ADGRA3: variants seen among roughly 807,000 people sequenced by gnomAD.
ADGRA3 encodes the protein G-protein coupled receptor 125.
Under a neutral mutation model 119.8 loss-of-function variants are expected in ADGRA3, and 56 were observed. The ratio of observed to expected loss-of-function variants is 0.47; its 90% CI spans 0.38 to 0.58. The LOEUF is 0.58. ADGRA3 is among the 20% of genes least tolerant of loss of function. The probability of loss-of-function intolerance (pLI) is 0.00; values close to 1 mark genes in which losing one functional copy is unlikely to be tolerated. For synonymous variants in ADGRA3, 607 were observed against 623.8 expected, an observed-to-expected ratio of 0.97 and a Z score of 0.40; for missense variants, 1,516 against 1,649.0, an observed-to-expected ratio of 0.92 and a Z score of 1.40.
intron 1 of ADGRA3, among the ~76,000 whole-genome samples, chr4:22,498,195 C>T (rs775172703): frequency 1.3e-5 from 2 of 151,394 alleles, no homozygotes; most frequent in South Asian, 2.1e-4. Flanking sequence ...CACAGTGAGC[C>T]GAGATCATGC....
At chr4:22,480,740 T>C (rs906423674) in intron 1 of ADGRA3, among the ~76,000 whole-genome samples, 1 of 152,174 alleles carries the variant, frequency 6.6e-6, no homozygotes, top group Non-Finnish European at 1.5e-5. Context: ...TATACTTACG[T>C]TGGTTCCAAT....
intron 14 of ADGRA3, 99 bp downstream of exon 14, chr4:22,413,083 A>C (rs547643846): frequency 3.4e-6 from 3 of 888,496 alleles, no homozygotes; most frequent in East Asian, 4.9e-5. Context: ...AGTAAAAAAA[A>C]AAAAAAAACA....
At chr4:22,427,708 C>CATGAAA (rs1284745254) in intron 10 of ADGRA3, among the ~76,000 whole-genome samples, 1 of 152,112 alleles carries the variant, frequency 6.6e-6, no homozygotes, top group African/African-American at 2.4e-5. Flanking sequence ...GGTAACAATG[C>CATGAAA]ATGAAAAATT....
intron 14 of ADGRA3, among the ~76,000 whole-genome samples, chr4:22,403,723 CAT>C (rs1481002506): frequency 6.6e-6 from 1 of 152,132 alleles, no homozygotes; most frequent in East Asian, 1.9e-4. Flanking sequence ...GCCTGGGCCA[CAT>C]AGTGAGAACC....
At chr4:22,470,978 T>G (rs1347067030) in intron 2 of ADGRA3, among the ~76,000 whole-genome samples, 2 of 152,062 alleles carry the variant, frequency 1.3e-5, no homozygotes, top group African/African-American at 2.4e-5. Context: ...TGGTTGAGGG[T>G]TGCTGAAAGC....
At chr4:22,476,562 A>T (rs1439606760) in intron 1 of ADGRA3, among the ~76,000 whole-genome samples, 1 of 152,046 alleles carries the variant, frequency 6.6e-6, no homozygotes, top group African/African-American at 2.4e-5. Context: ...TATATTTCTG[A>T]CTCTGTATAG....
rs1165502271 is a variant in ADGRA3, at chr4:22,402,681, T to C, written c.2351A>G (p.His784Arg). Reference sequence around the variant, plus strand: ...GTCGAGATGTATTTCTTACCTGTGATGGTATATGTAACTGACAATGACGGC... The same window carrying C: ...GTCGAGATGTATTTCTTACCTGTGACGGTATATGTAACTGACAATGACGGC... ...LLAVIVSYIYHHSLIRISLKS... is the reference protein window; with the variant it reads ...LLAVIVSYIYRHSLIRISLKS... The change falls in exon 15 of 19, where the codon CAT (histidine) becomes CGT (arginine). Residue 784 changes from histidine to arginine, a missense_variant. Coordinates refer to ENST00000334304, the MANE Select transcript of ADGRA3 (RefSeq NM_145290.4). 1.7e-5 allele frequency: 27 copies of C among 1,612,692 alleles called. No individual in the cohort carries two copies. The highest frequency in any genetic ancestry group is 2.2e-5 in the Non-Finnish European group (26 of 1,179,514).
intron 2 of ADGRA3, among the ~76,000 whole-genome samples, chr4:22,462,128 T>A (rs1346331965): frequency 6.6e-6 from 1 of 152,342 alleles, no homozygotes; most frequent in South Asian, 2.1e-4. Context: ...CTATAATTTC[T>A]TCTTTAGTAT....
chr4:22,504,120 T>C (rs542351161), intron 1 of ADGRA3, among the ~76,000 whole-genome samples: 83 of 152,208 alleles, frequency 5.5e-4, no homozygotes, highest in Admixed American at 5.1e-3. Flanking sequence ...TCTGTGTGTG[T>C]GATACCCAAT....
chr4:22,434,056 G>A (rs10006549), intron 10 of ADGRA3, among the ~76,000 whole-genome samples: 1 of 151,392 alleles, frequency 6.6e-6, no homozygotes, highest in Non-Finnish European at 1.5e-5. Context: ...ATCAAGTAAA[G>A]TGCCTAATGC....
chr4:22,444,927 AG>A, intron 6 of ADGRA3, 45 bp downstream of exon 6: 1 of 1,595,570 alleles, frequency 6.3e-7, no homozygotes, highest in Non-Finnish European at 8.6e-7. Flanking sequence ...CATGGTAGCA[AG>A]TCAAAATATG....
chr4:22,421,221 C>T, intron 11 of ADGRA3, 132 bp from the exon 12 acceptor site: 1 of 597,496 alleles, frequency 1.7e-6, no homozygotes, highest in Non-Finnish European at 2.9e-6. Context: ...TAAACAAAAT[C>T]ACTGTGTAGA....
At chr4:22,495,158 G>A (rs1560345722) in intron 1 of ADGRA3, among the ~76,000 whole-genome samples, 2 of 151,976 alleles carry the variant, frequency 1.3e-5, no homozygotes, top group African/African-American at 4.9e-5. Context: ...CAGCTACTAA[G>A]TGACTAACAG....
chr4:22,413,629 C>A lies in ADGRA3; in HGVS notation c.1995G>T (p.Val665=). ...NLADDGKRRT[V]VTPVILTKID... is the part of the protein sequence containing the mutation. ...TTTTGGTGAGAATCACAGGGGTAAC[C>A]ACAGTACGTCGTTTTCCATCATCAG... is the stretch of plus-strand genomic sequence containing the variant. The change falls in exon 13 of 19, where the codon GTG becomes GTT. Residue 665 remains valine, a synonymous_variant. Transcript: ENST00000334304. The A allele has an allele frequency of 6.2e-7, 1 of 1,613,932 alleles. No homozygotes were observed. Among genetic ancestry groups the A allele is most frequent in the Non-Finnish European group, 8.5e-7 (1 of 1,179,918 alleles).
At chr4:22,389,276 G>T in intron 17 of ADGRA3, 93 bp from the exon 18 acceptor site, 1 of 818,374 alleles carries the variant, frequency 1.2e-6, no homozygotes, top group South Asian at 1.6e-5. Flanking sequence ...GTCATTCCCT[G>T]AAGATTAATT....
chr4:22,389,205 A>G, intron 17 of ADGRA3, 22 bp from the exon 18 acceptor site: 3 of 1,480,078 alleles, frequency 2.0e-6, no homozygotes, highest in Non-Finnish European at 2.8e-6. Flanking sequence ...AATCACAGGA[A>G]AAACCACTCA....
At chr4:22,408,348 G>GA (rs35275768) in intron 14 of ADGRA3, among the ~76,000 whole-genome samples, 2 of 151,546 alleles carry the variant, frequency 1.3e-5, no homozygotes, top group African/African-American at 4.9e-5. Flanking sequence ...CAATATTGAG[G>GA]AAAAAAAAAG....
At chr4:22,504,062 G>C (rs1371231346) in intron 1 of ADGRA3, among the ~76,000 whole-genome samples, 1 of 151,992 alleles carries the variant, frequency 6.6e-6, no homozygotes, top group Admixed American at 6.6e-5. Flanking sequence ...ATTCTAAATA[G>C]AATGAAGCCT....
intron 9 of ADGRA3, 120 bp from the exon 10 acceptor site, chr4:22,435,586 C>T: frequency 1.2e-6 from 1 of 834,788 alleles, no homozygotes. Context: ...ATTATTTACT[C>T]ATCATGGCCT....
Sources: gnomAD v4.1 joint callset for allele counts (sites outside exome capture counted in the v4.1 genomes callset) on GRCh38, gnomAD v4.1.1 for gene constraint, MANE v1.5 for transcripts, NCBI Gene and HGNC (gene_info 2026-07-23, HGNC 2026-07-21) for gene names.